ZNF638: variants seen among roughly 807,000 people sequenced by gnomAD.
The protein encoded by ZNF638 is zinc finger protein 638, also known as CTCL tumor antigen se33-1.
ZNF638 carries 46 observed loss-of-function variants against 195.6 expected under a neutral mutation model. That is an observed-to-expected ratio of 0.24 (90% confidence interval 0.19 to 0.30). The LOEUF (loss-of-function observed/expected upper bound fraction) is 0.30. ZNF638 is among the 10% of genes least tolerant of loss of function. The pLI, the probability that ZNF638 is intolerant of heterozygous loss-of-function variation, is 1.00. For synonymous variants in ZNF638, 845 were observed against 772.0 expected (o/e 1.09, Z -1.57); for missense variants, 2,440 against 2,325.3 (o/e 1.05, Z -1.01).
intron 20 of ZNF638, chr2:71,408,526 A>C: frequency 3.0e-6 from 1 of 338,850 alleles, no homozygotes; most frequent in Non-Finnish European, 5.5e-6. Flanking sequence ...TGTATGTAAC[A>C]TGATTGTCTC....
intron 1 of ZNF638, among the ~76,000 whole-genome samples, chr2:71,343,776 C>A (rs1020938637): frequency 6.6e-6 from 1 of 152,122 alleles, no homozygotes; most frequent in African/African-American, 2.4e-5. Flanking sequence ...GCTTTCTGCT[C>A]CCCTCTCCCC....
intron 24 of ZNF638, among the ~76,000 whole-genome samples, chr2:71,428,255 C>T (rs1573175908): frequency 6.6e-6 from 1 of 152,076 alleles, no homozygotes; most frequent in East Asian, 1.9e-4. Context: ...CTAGGAAGGT[C>T]CCACAGGCTT....
intron 1 of ZNF638, among the ~76,000 whole-genome samples, chr2:71,339,150 GTTTT>G (rs35822775): frequency 7.7e-6 from 1 of 130,160 alleles, no homozygotes; most frequent in Admixed American, 7.6e-5. Context: ...GTCGGTTTAG[GTTTT>G]TTTTTTTTTT....
In ZNF638 at chr2:71,349,293, A is replaced by G; in HGVS notation, c.339A>G (p.Ser113=). The G allele has an allele frequency of 6.2e-7, 1 of 1,614,202 alleles. No homozygotes were observed. Residue 113 remains serine (S), a synonymous_variant, in exon 2 of 28, where the codon TCA becomes TCG. Transcript: ENST00000264447. ...ATGATGAGCCTCATATATCTGCATC[A>G]GTGGCAGTGAAACAGAGTTCTGTAA... The part of the protein sequence containing the change: ...RWDDEPHISA[S]VAVKQSSVTQ...
intron 24 of ZNF638, 50 bp downstream of exon 24, chr2:71,427,464 T>G (rs1297881009): frequency 4.5e-6 from 6 of 1,343,870 alleles, no homozygotes; most frequent in Non-Finnish European, 6.0e-6. Context: ...GGATTACATT[T>G]AAAATTAATT....
chr2:71,332,426 C>T (rs559319138), intron 1 of ZNF638, among the ~76,000 whole-genome samples: 33 of 152,070 alleles, frequency 2.2e-4, no homozygotes, highest in African/African-American at 7.7e-4. Flanking sequence ...GAGGGGGTGT[C>T]GGGATGAAGG....
intron 10 of ZNF638, chr2:71,395,521 A>G: frequency 1.6e-6 from 1 of 614,822 alleles, no homozygotes; most frequent in Non-Finnish European, 2.9e-6. Context: ...AAGGAGTGTA[A>G]AGGAATTTAT....
chr2:71,404,148 G>A, intron 17 of ZNF638, 150 bp downstream of exon 17: 1 of 714,882 alleles, frequency 1.4e-6, no homozygotes, highest in South Asian at 2.2e-5. Flanking sequence ...CAATCACCCA[G>A]TCACCCATCC....
At chr2:71,396,108 T>C in intron 10 of ZNF638, 33 bp from the exon 11 acceptor site, 6 of 1,594,408 alleles carry the variant, frequency 3.8e-6, no homozygotes, top group Non-Finnish European at 5.1e-6. Flanking sequence ...TTATTTGTAA[T>C]GTAGTACTTA....
intron 10 of ZNF638, among the ~76,000 whole-genome samples, chr2:71,392,188 A>G (rs917793807): frequency 1.3e-5 from 2 of 152,242 alleles, no homozygotes; most frequent in African/African-American, 2.4e-5. Context: ...TATGCAGGCC[A>G]TATAAAATAT....
chr2:71,392,456 T>C (rs2079801155), intron 10 of ZNF638, among the ~76,000 whole-genome samples: 1 of 152,166 alleles, frequency 6.6e-6, no homozygotes, highest in Admixed American at 6.5e-5. Flanking sequence ...ACATTGTTAG[T>C]GACTCTGTTT....
intron 1 of ZNF638, chr2:71,348,528 A>G (rs1014704323): frequency 8.5e-7 from 1 of 1,177,052 alleles, no homozygotes; most frequent in African/African-American, 1.6e-5. Context: ...AACACAATGT[A>G]CATGAACTCT....
intron 10 of ZNF638, among the ~76,000 whole-genome samples, chr2:71,392,746 A>C (rs2079808214): frequency 6.6e-6 from 1 of 152,156 alleles, no homozygotes; most frequent in African/African-American, 2.4e-5. Context: ...GACTGGGTAA[A>C]CAAATTATCC....
intron 10 of ZNF638, chr2:71,393,606 A>G (rs1025351857): frequency 2.8e-6 from 2 of 718,024 alleles, no homozygotes; most frequent in Non-Finnish European, 5.2e-6. Context: ...CACAGAAACC[A>G]TTCACTCCAG....
Position 71,434,925 on chromosome 2 carries a change from T to C in ZNF638, c.*118T>C, listed in dbSNP as rs543117383. ...GAAGCAAATATTCGTGTTGTACAAA[T>C]TTCTGATTGCCCTAAATGTAGAGAG... On this transcript the variant is annotated 3_prime_UTR_variant, in exon 28 of 28. Coordinates refer to ENST00000264447, the MANE Select transcript of ZNF638 (RefSeq NM_014497.5). The C allele has an allele frequency of 2.4e-5, 20 of 837,924 alleles. No homozygotes were observed. The African/African-American group carries it at 3.5e-4, about 14-fold the overall frequency. The allele number at this position is 837,924 out of a possible 1,614,324, so 51.9% of individuals were successfully genotyped here.
intron 10 of ZNF638, among the ~76,000 whole-genome samples, chr2:71,389,883 G>T (rs535168424): frequency 6.6e-6 from 1 of 152,314 alleles, no homozygotes; most frequent in East Asian, 1.9e-4. Context: ...AATGCAGGCA[G>T]TCAGAGGAAA....
chr2:71,419,976 T>TCCCCC (rs2080395159), intron 21 of ZNF638, among the ~76,000 whole-genome samples: 1 of 10,932 alleles, frequency 9.1e-5, no homozygotes, highest in Non-Finnish European at 2.0e-4. Context: ...CCCCCCGCCT[T>TCCCCC]TTTTTTTTTT....
chr2:71,423,205 G>A lies in ZNF638; in HGVS notation c.3691G>A (p.Ala1231Thr). ...ATTGTTACCATCTGACAGTGTGTTTGCAGAAGAAAGGAACCTCAAAGGAAT... is the reference window on the plus strand; with the variant it reads ...ATTGTTACCATCTGACAGTGTGTTTACAGAAGAAAGGAACCTCAAAGGAAT... ...TALLPSDSVF[A>T]EERNLKGILE... is the part of the protein sequence containing the mutation. The change falls in exon 22 of 28, where the codon GCA (alanine) becomes ACA (threonine). Residue 1231 changes from alanine (A) to threonine (T), a missense_variant. By Grantham distance (58) the Ala-to-Thr change is moderately conservative (BLOSUM62 0). Coordinates refer to ENST00000264447, the MANE Select transcript of ZNF638 (RefSeq NM_014497.5). 6.2e-7 allele frequency: 1 copy of A among 1,614,118 alleles called. No homozygotes were observed. The highest frequency in any genetic ancestry group is 2.2e-5 in the East Asian group (1 of 44,872).
intron 19 of ZNF638, chr2:71,407,876 ATAAT>A (rs2080136980): frequency 6.2e-6 from 2 of 323,092 alleles, no homozygotes; most frequent in South Asian, 7.1e-5. Flanking sequence ...AAGCTGAGTA[ATAAT>A]TCTGTTTTAC....
Sources: gnomAD v4.1 joint callset for allele counts (sites outside exome capture counted in the v4.1 genomes callset) on GRCh38, gnomAD v4.1.1 for gene constraint, MANE v1.5 for transcripts, NCBI Gene and HGNC (gene_info 2026-07-23, HGNC 2026-07-21) for gene names.